FER: variants seen among roughly 807,000 people sequenced by gnomAD.
FER encodes the protein FER tyrosine kinase.
Under a neutral mutation model 111.0 loss-of-function variants are expected in FER, and 63 were observed. The ratio of observed to expected loss-of-function variants is 0.57; its 90% CI spans 0.46 to 0.70. The LOEUF (loss-of-function observed/expected upper bound fraction) is 0.70. Ranked by LOEUF, FER falls within the 30% of genes least tolerant of loss-of-function variation. The pLI, the probability that FER is intolerant of heterozygous loss-of-function variation, is 0.00. For synonymous variants in FER, 327 were observed against 313.9 expected (o/e 1.04, Z -0.44); for missense variants, 914 against 954.0 (o/e 0.96, Z 0.55).
At chr5:108,814,268 G>C (rs969187800) in intron 3 of FER, among the ~76,000 whole-genome samples, 4 of 152,008 alleles carry the variant, frequency 2.6e-5, no homozygotes, top group African/African-American at 4.8e-5. Context: ...TACAGGAAAG[G>C]GGTCCCAGTT....
At chr5:108,964,632 A>G (rs891746990) in intron 13 of FER, among the ~76,000 whole-genome samples, 2 of 152,196 alleles carry the variant, frequency 1.3e-5, no homozygotes, top group Non-Finnish European at 2.9e-5. Flanking sequence ...ATTAATACAT[A>G]TCATCTTAAA....
Position 109,093,037 on chromosome 5 carries a change from T to A in FER, c.1925-7359T>A, listed in dbSNP as rs374559283. Among the ~76,000 whole-genome samples the A allele has an allele frequency of 2.0e-5, 3 of 152,298 alleles. 1 individual carries two copies. Among genetic ancestry groups the A allele is most frequent in the African/African-American group, 7.2e-5 (3 of 41,562 alleles). On this transcript the variant is annotated intron_variant, in intron 16 of 19. Transcript: ENST00000281092. ...CAAATACTGCATAATTCCACTTATA[T>A]GGGATATCTGAAGTAGTCAAACTTA...
At chr5:109,060,372 GTTGTATGAAC>G (rs775692536) in intron 16 of FER, among the ~76,000 whole-genome samples, 4 of 152,140 alleles carry the variant, frequency 2.6e-5, no homozygotes, top group Non-Finnish European at 5.9e-5. Flanking sequence ...TCTCTTTTAA[GTTGTATGAAC>G]TTACTCAACT....
At chr5:109,143,581 C>G (rs955147635) in intron 17 of FER, among the ~76,000 whole-genome samples, 2 of 152,032 alleles carry the variant, frequency 1.3e-5, no homozygotes, top group African/African-American at 4.8e-5. Flanking sequence ...AAAATAGTCT[C>G]CACCCCACCT....
At chr5:108,969,156 T>G (rs1760293097) in intron 13 of FER, among the ~76,000 whole-genome samples, 1 of 152,186 alleles carries the variant, frequency 6.6e-6, no homozygotes, top group Non-Finnish European at 1.5e-5. Flanking sequence ...AATGTATATA[T>G]CTTTGATTCA....
intron 16 of FER, among the ~76,000 whole-genome samples, chr5:109,084,519 T>A (rs374058413): frequency 6.6e-6 from 1 of 151,932 alleles, no homozygotes; most frequent in African/African-American, 2.4e-5. Flanking sequence ...AAAAAAAATT[T>A]AAAAAATAGC....
intron 16 of FER, among the ~76,000 whole-genome samples, chr5:109,070,117 T>G (rs3797836): frequency 6.7e-6 from 1 of 148,830 alleles, no homozygotes; most frequent in East Asian, 1.9e-4. Context: ...GATAACCTTT[T>G]TAATAATAAA....
chr5:108,954,074 C>T (rs952986897), intron 11 of FER, among the ~76,000 whole-genome samples: 18 of 152,118 alleles, frequency 1.2e-4, no homozygotes, highest in African/African-American at 3.1e-4. Context: ...TTTATAACCA[C>T]TCCTTATCTT....
intron 5 of FER, among the ~76,000 whole-genome samples, chr5:108,840,004 C>A (rs1761099182): frequency 2.6e-5 from 4 of 151,828 alleles, no homozygotes; most frequent in Admixed American, 1.3e-4. Context: ...TTTTTTCCAA[C>A]CTTTAAAAAA....
At chr5:109,110,657 T>C (rs965479774) in intron 17 of FER, among the ~76,000 whole-genome samples, 2 of 151,480 alleles carry the variant, frequency 1.3e-5, no homozygotes, top group Admixed American at 1.3e-4. Context: ...TTTAATTTTA[T>C]TATTATTATA....
intron 13 of FER, among the ~76,000 whole-genome samples, chr5:108,991,925 G>T (rs147771925): frequency 0.12 from 17,445 of 151,290 alleles, 1,088 homozygotes; most frequent in Middle Eastern, 0.16. Context: ...TTCTCGCAGA[G>T]GGGGATTTGG....
At chr5:109,185,613 C>T (rs183290056) in intron 18 of FER, among the ~76,000 whole-genome samples, 50 of 152,034 alleles carry the variant, frequency 3.3e-4, no homozygotes, top group Non-Finnish European at 6.5e-4. Flanking sequence ...AGCTTGCACA[C>T]TGGCTGAATA....
intron 1 of FER, among the ~76,000 whole-genome samples, chr5:108,760,652 A>C (rs531064827): frequency 6.6e-6 from 1 of 152,218 alleles, no homozygotes; most frequent in Admixed American, 6.5e-5. Context: ...CTAGTTTCAG[A>C]GTTGTCTTCT....
intron 10 of FER, among the ~76,000 whole-genome samples, chr5:108,904,977 A>C (rs547387662): frequency 7.9e-5 from 12 of 152,108 alleles, no homozygotes; most frequent in Admixed American, 1.3e-4. Flanking sequence ...GTTATACTGT[A>C]TATAAATTTG....
chr5:109,078,779 T>C (rs1776658081), intron 16 of FER, among the ~76,000 whole-genome samples: 1 of 152,170 alleles, frequency 6.6e-6, no homozygotes, highest in South Asian at 2.1e-4. Context: ...TGCCAACAGA[T>C]TACATAGAAC....
At chr5:109,089,048 A>G (rs558125150) in intron 16 of FER, among the ~76,000 whole-genome samples, 6 of 152,338 alleles carry the variant, frequency 3.9e-5, no homozygotes, top group Non-Finnish European at 8.8e-5. Context: ...CTAAAGAGTG[A>G]AAATGGCAGT....
chr5:109,036,468 A>T (rs528354598), intron 13 of FER, among the ~76,000 whole-genome samples: 1 of 152,074 alleles, frequency 6.6e-6, no homozygotes, highest in Non-Finnish European at 1.5e-5. Flanking sequence ...TTACTTCAAG[A>T]TGTCTGATTA....
At chr5:109,148,690 C>T (rs972425603) in intron 17 of FER, among the ~76,000 whole-genome samples, 1 of 152,120 alleles carries the variant, frequency 6.6e-6, no homozygotes, top group Non-Finnish European at 1.5e-5. Flanking sequence ...CAAAGGGTTA[C>T]CCCTCAGTTA....
intron 2 of FER, among the ~76,000 whole-genome samples, chr5:108,770,568 GAC>G (rs1299463579): frequency 6.6e-6 from 1 of 152,114 alleles, no homozygotes; most frequent in East Asian, 1.9e-4. Flanking sequence ...TGGAGACGGA[GAC>G]AGAGTTTTGT....
Sources: allele counts gnomAD v4.1 joint callset (sites outside exome capture counted in the v4.1 genomes callset), GRCh38; gene constraint gnomAD v4.1.1; transcripts MANE v1.5; gene names NCBI Gene and HGNC (gene_info 2026-07-23, HGNC 2026-07-21).